BCL2L14: variants seen among roughly 807,000 people sequenced by gnomAD.
BCL2L14 encodes apoptosis facilitator Bcl-2-like protein 14.
In BCL2L14, 27 loss-of-function variants were observed where a neutral mutation model predicts 35.3. The observed-to-expected ratio is 0.76, with a 90% CI of 0.56 to 1.05. The LOEUF (loss-of-function observed/expected upper bound fraction) is 1.05. Ranked by LOEUF, BCL2L14 falls within the 50% of genes least tolerant of loss-of-function variation. BCL2L14 has a pLI of 0.00. For missense variants in BCL2L14, 377 were observed against 382.6 expected (o/e 0.99, Z 0.12); for synonymous variants, 139 against 145.9 (o/e 0.95, Z 0.34).
intron 5 of BCL2L14, 143 bp downstream of exon 5, chr12:12,095,073 C>G: frequency 6.9e-7 from 1 of 1,445,900 alleles, no homozygotes; most frequent in Middle Eastern, 1.8e-4. Flanking sequence ...GAGATAGATC[C>G]CATTGATGGG....
chr12:12,051,764 C>A (rs1948360728), intron 1 of BCL2L14: 2 of 152,130 alleles, frequency 1.3e-5, no homozygotes, highest in African/African-American at 4.8e-5. Flanking sequence ...CAAGTGGGAC[C>A]CTAAAGCGAA....
Position 12,099,643 on chromosome 12 carries a change from GTA to G in BCL2L14, c.*656_*657del, listed in dbSNP as rs1185458950. 1 of 152,210 alleles carries G rather than the reference GTA, an allele frequency of 6.6e-6. No individual in the cohort carries two copies. Among genetic ancestry groups the G allele is most frequent in the Non-Finnish European group, 1.5e-5 (1 of 68,048 alleles). The allele number at this position is 152,210 out of a possible 1,614,324, so 9.4% of individuals were successfully genotyped here. On this transcript the variant is annotated 3_prime_UTR_variant, in exon 6 of 6. Transcript: ENST00000308721. ...TGGGACTTCCTCATTCTTTGTGGTA[GTA>G]CAATGATTGGTAGCAGGTAAAATAA...
chr12:12,052,190 G>C (rs1344098532), intron 2 of BCL2L14, among the ~76,000 whole-genome samples: 1 of 152,058 alleles, frequency 6.6e-6, no homozygotes, highest in Non-Finnish European at 1.5e-5. Context: ...GATTAAATCA[G>C]GCTAATTAGT....
At chr12:12,053,922 TTGAACC>T (rs2136706315) in intron 2 of BCL2L14, among the ~76,000 whole-genome samples, 1 of 152,266 alleles carries the variant, frequency 6.6e-6, no homozygotes, top group African/African-American at 2.4e-5. Context: ...GGGTTTTACG[TTGAACC>T]CTATACAATT....
chr12:12,060,785 C>G (rs2136714711), intron 2 of BCL2L14, among the ~76,000 whole-genome samples: 1 of 128,058 alleles, frequency 7.8e-6, no homozygotes, highest in East Asian at 2.3e-4. Flanking sequence ...CACCTGGCAG[C>G]CACTCCCAGA....
intron 3 of BCL2L14, among the ~76,000 whole-genome samples, chr12:12,088,091 G>A (rs1949087586): frequency 6.6e-6 from 1 of 152,190 alleles, no homozygotes; most frequent in Non-Finnish European, 1.5e-5. Flanking sequence ...AAATACGTGA[G>A]GTTCGTTGTC....
intron 2 of BCL2L14, among the ~76,000 whole-genome samples, chr12:12,056,694 G>A (rs61923172): frequency 0.14 from 21,261 of 152,182 alleles, 1,777 homozygotes; most frequent in South Asian, 0.21. Context: ...TTAGCTGGGC[G>A]TGGTGGTAGG....
chr12:12,096,433 GAA>G (rs71435889), intron 5 of BCL2L14, among the ~76,000 whole-genome samples: 1 of 102,056 alleles, frequency 9.8e-6, no homozygotes, highest in Non-Finnish European at 2.0e-5. Context: ...CCAAGAATGT[GAA>G]AAAAAAAAAA....
At chr12:12,070,878 C>T (rs1400793423), upstream of BCL2L14, 1 of 152,168 alleles carries the variant, frequency 6.6e-6, no homozygotes, top group Admixed American at 6.5e-5. Context: ...AGATCAGCCC[C>T]TCCTTCAATT....
At chr12:12,094,494 C>A (rs772203208) in intron 4 of BCL2L14, 170 bp from the exon 5 acceptor site, 12 of 1,601,096 alleles carry the variant, frequency 7.5e-6, no homozygotes, top group Non-Finnish European at 8.6e-6. Flanking sequence ...CAGTACATGC[C>A]CATTCTGGTT....
intron 2 of BCL2L14, among the ~76,000 whole-genome samples, chr12:12,060,325 C>T (rs936664737): frequency 1.5e-4 from 19 of 128,636 alleles, no homozygotes; most frequent in Admixed American, 5.8e-4. Flanking sequence ...ATATAAAAAA[C>T]CCAGCCCAGT....
intron 1 of BCL2L14, chr12:12,072,591 G>A (rs1224703662): frequency 6.6e-6 from 1 of 152,222 alleles, no homozygotes; most frequent in African/African-American, 2.4e-5. Flanking sequence ...TCTCACCCAG[G>A]AACGGAAATC....
At chr12:12,058,003 A>C (rs946514184) in intron 2 of BCL2L14, among the ~76,000 whole-genome samples, 1 of 144,858 alleles carries the variant, frequency 6.9e-6, no homozygotes, top group Admixed American at 7.0e-5. Context: ...GGAGGAGTAC[A>C]GTGGCTCCAT....
At chr12:12,051,016 G>T (rs1009085611) in intron 1 of BCL2L14, among the ~76,000 whole-genome samples, 1 of 150,542 alleles carries the variant, frequency 6.6e-6, no homozygotes, top group South Asian at 2.2e-4. Flanking sequence ...AAGCTAAACT[G>T]AAAGGTTTTA....
chr12:12,074,394 A>G (rs1282180380), intron 1 of BCL2L14, among the ~76,000 whole-genome samples: 1 of 152,154 alleles, frequency 6.6e-6, no homozygotes, highest in Non-Finnish European at 1.5e-5. Flanking sequence ...CTTTGTTTTT[A>G]TATACATGTA....
In BCL2L14 at chr12:12,079,406, A is replaced by G. The variant is rs1332011825; in HGVS notation, c.101A>G (p.His34Arg). ...ATCCTCGCCTACTACACCAGACATC[A>G]TGTCTTCAAGAGCACCCCTGCTCTC... The part of the protein sequence containing the change: ...FKILAYYTRH[H>R]VFKSTPALFS... Residue 34 changes from histidine to arginine, a missense_variant, in exon 2 of 6, where the codon CAT (histidine) becomes CGT (arginine). His to Arg is a conservative substitution (Grantham distance 29). Coordinates refer to ENST00000308721, the MANE Select transcript of BCL2L14 (RefSeq NM_138723.2). 1 of 1,614,068 alleles carries G rather than the reference A, an allele frequency of 6.2e-7. No individual in the cohort carries two copies. The highest frequency in any genetic ancestry group is 2.2e-5 in the East Asian group (1 of 44,888).
intron 4 of BCL2L14, among the ~76,000 whole-genome samples, chr12:12,093,199 C>A (rs767334324): frequency 6.6e-6 from 1 of 152,142 alleles, no homozygotes; most frequent in African/African-American, 2.4e-5. Flanking sequence ...GGAAAGAAAT[C>A]AATGAATTGG....
At chr12:12,056,567 C>A (rs183009677) in intron 2 of BCL2L14, among the ~76,000 whole-genome samples, 1 of 152,324 alleles carries the variant, frequency 6.6e-6, no homozygotes, top group Middle Eastern at 3.4e-3. Context: ...CGGTGGCTCA[C>A]GCTCACTCGT....
Position 12,079,403 on chromosome 12 carries a change from A to C in BCL2L14, c.98A>C (p.His33Pro). The change falls in exon 2 of 6, where the codon CAT (histidine) becomes CCT (proline). Residue 33 changes from histidine to proline, a missense_variant. His to Pro is a moderately conservative substitution (Grantham distance 77). Transcript: ENST00000308721. ...AAAATCCTCGCCTACTACACCAGAC[A>C]TCATGTCTTCAAGAGCACCCCTGCT... ...EFKILAYYTR[H>P]HVFKSTPALF... 1 of 1,614,154 alleles carries C rather than the reference A, an allele frequency of 6.2e-7. No homozygotes were observed. Among genetic ancestry groups the C allele is most frequent in the Non-Finnish European group, 8.5e-7 (1 of 1,180,000 alleles).
Sources: allele counts gnomAD v4.1 joint callset (sites outside exome capture counted in the v4.1 genomes callset), GRCh38; gene constraint gnomAD v4.1.1; transcripts MANE v1.5; gene names NCBI Gene and HGNC (gene_info 2026-07-23, HGNC 2026-07-21).